The following CADPS2 variants were observed in gnomAD, a reference collection of about 807,000 sequenced individuals.
CADPS2 encodes the protein calcium-dependent secretion activator 2.
CADPS2 carries 93 observed loss-of-function variants against 172.5 expected under a neutral mutation model. The ratio of observed to expected loss-of-function variants is 0.54; its 90% CI spans 0.46 to 0.64. The LOEUF (loss-of-function observed/expected upper bound fraction) is 0.64. CADPS2 is among the 30% of genes least tolerant of loss of function. The probability of loss-of-function intolerance (pLI) is 0.00; values close to 1 mark genes in which losing one functional copy is unlikely to be tolerated. For synonymous variants in CADPS2, 546 were observed against 555.2 expected, an observed-to-expected ratio of 0.98 and a Z score of 0.23; for missense variants, 1,420 against 1,565.9, an observed-to-expected ratio of 0.91 and a Z score of 1.57.
intron 2 of CADPS2, among the ~76,000 whole-genome samples, chr7:122,690,787 C>T (rs2084247674): frequency 2.0e-5 from 3 of 152,180 alleles, no homozygotes; most frequent in Admixed American, 2.0e-4. Context: ...TCTTGGTGAT[C>T]ACCATCCACA....
At position 122,700,366 on chromosome 7, in the gene CADPS2, A is replaced by T. The variant is rs569651169; in HGVS notation, c.453+36589T>A. ...CAAAGGGCCCTATGGGCCAACAAAA[A>T]CTAGTATAAAAAGAATACTGATGAT... is the stretch of plus-strand genomic sequence containing the variant. On this transcript the variant is annotated intron_variant, in intron 2 of 29. Coordinates refer to ENST00000449022, the MANE Select transcript of CADPS2 (RefSeq NM_017954.11). Among the ~76,000 whole-genome samples, 51 of 152,276 alleles carry T rather than the reference A, an allele frequency of 3.3e-4. No homozygotes were observed. In the South Asian group the frequency reaches 9.1e-3, roughly 27 times the overall value.
chr7:122,718,669 G>A (rs2136995212), intron 2 of CADPS2, among the ~76,000 whole-genome samples: 1 of 152,210 alleles, frequency 6.6e-6, no homozygotes, highest in South Asian at 2.1e-4. Context: ...ATGGGGCCGT[G>A]TTAAGGCTTT....
chr7:122,438,176 G>A (rs1214603051), intron 17 of CADPS2, among the ~76,000 whole-genome samples, 165 bp downstream of exon 17: 1 of 152,102 alleles, frequency 6.6e-6, no homozygotes, highest in Non-Finnish European at 1.5e-5. Context: ...TTAAAGCAAT[G>A]AATAGGAAAA....
In CADPS2 at chr7:122,886,420, C is replaced by T; in HGVS notation, c.-83G>A. 1 of 1,416,106 alleles carries T rather than the reference C, an allele frequency of 7.1e-7. No homozygotes were observed. Among genetic ancestry groups the T allele is most frequent in the South Asian group, 1.5e-5 (1 of 67,924 alleles). The allele number at this position is 1,416,106 out of a possible 1,614,324, so 87.7% of individuals were successfully genotyped here. ...GCTGCGCCCGCGGGTCTGAGGGAGC[C>T]GCGGGGCTGGCTGCAGCGGCCGCAG... On this transcript the variant is annotated 5_prime_UTR_variant, in exon 1 of 30. Transcript: ENST00000449022.
intron 8 of CADPS2, among the ~76,000 whole-genome samples, chr7:122,546,961 C>T (rs2131787059): frequency 2.0e-5 from 3 of 152,104 alleles, no homozygotes; most frequent in Admixed American, 2.0e-4. Flanking sequence ...AGAATAAATA[C>T]TGAAATAAAT....
chr7:122,556,118 T>C (rs748097292), intron 7 of CADPS2, among the ~76,000 whole-genome samples: 1 of 152,066 alleles, frequency 6.6e-6, no homozygotes, highest in Admixed American at 6.6e-5. Context: ...CTAAATGACA[T>C]TTACAATGTT....
intron 1 of CADPS2, among the ~76,000 whole-genome samples, chr7:122,795,242 T>A (rs1796119842): frequency 6.6e-6 from 1 of 151,678 alleles, no homozygotes; most frequent in Non-Finnish European, 1.5e-5. Context: ...TAGAGAAGAT[T>A]CAAATAAACA....
intron 3 of CADPS2, among the ~76,000 whole-genome samples, chr7:122,637,207 T>TC (rs2077166219): frequency 2.8e-5 from 3 of 106,042 alleles, no homozygotes; most frequent in African/African-American, 1.1e-4. Flanking sequence ...TTTTTTTTTT[T>TC]TCCTGAGACA....
chr7:122,421,575 T>A (rs2048532931), intron 17 of CADPS2, among the ~76,000 whole-genome samples: 1 of 152,184 alleles, frequency 6.6e-6, no homozygotes, highest in Non-Finnish European at 1.5e-5. Flanking sequence ...AACATTTTAT[T>A]CCATGTAAGG....
chr7:122,325,637 G>C, intron 28 of CADPS2, 56 bp from the exon 29 acceptor site: 2 of 1,062,258 alleles, frequency 1.9e-6, no homozygotes, highest in African/African-American at 1.6e-5. Flanking sequence ...AACAACCTCT[G>C]CAGTATTCAT....
rs547249615 is a variant in CADPS2 at position 122,487,827 on chromosome 7, C to T, written c.1852+2254G>A. On this transcript the variant is annotated intron_variant, in intron 11 of 29. Transcript: ENST00000449022. The stretch of plus-strand genomic sequence containing the variant: ...ATAAAATGTGCAGTAGACCAGGTAA[C>T]ATAAGACAGAAGCCCACTTACATGG... Among the ~76,000 whole-genome samples, 8 of 152,170 alleles carry T rather than the reference C, an allele frequency of 5.3e-5. No individual in the cohort carries two copies. The South Asian group carries it at 1.7e-3, about 32-fold the overall frequency.
At chr7:122,647,873 T>C (rs1443822964) in intron 3 of CADPS2, among the ~76,000 whole-genome samples, 2 of 152,198 alleles carry the variant, frequency 1.3e-5, no homozygotes, top group Non-Finnish European at 2.9e-5. Context: ...AATGATTCAA[T>C]GTACTGTATA....
chr7:122,758,999 A>G (rs188044791), intron 1 of CADPS2, among the ~76,000 whole-genome samples: 1 of 117,628 alleles, frequency 8.5e-6, no homozygotes, highest in East Asian at 2.1e-4. Flanking sequence ...TTCTTATTTC[A>G]GGAAAAAAAA....
At chr7:122,450,477 C>A (rs1259709139) in intron 15 of CADPS2, among the ~76,000 whole-genome samples, 1 of 123,812 alleles carries the variant, frequency 8.1e-6, no homozygotes, top group Non-Finnish European at 1.7e-5. Flanking sequence ...AGGTATTTAT[C>A]TTTTACTCTG....
intron 2 of CADPS2, among the ~76,000 whole-genome samples, chr7:122,721,179 T>C (rs1217075115): frequency 6.6e-6 from 1 of 152,008 alleles, no homozygotes; most frequent in East Asian, 1.9e-4. Context: ...ATTCTAATAA[T>C]TAATTCCTGC....
chr7:122,829,514 T>G (rs558184472), intron 1 of CADPS2, among the ~76,000 whole-genome samples: 1 of 152,286 alleles, frequency 6.6e-6, no homozygotes, highest in South Asian at 2.1e-4. Flanking sequence ...TCAAATCAAC[T>G]TTTATTTATC....
At chr7:122,620,739 C>T (rs759857698) in intron 5 of CADPS2, among the ~76,000 whole-genome samples, 18 of 152,018 alleles carry the variant, frequency 1.2e-4, no homozygotes, top group Non-Finnish European at 1.8e-4. Context: ...TTAGAACTGG[C>T]TTATTTGATA....
intron 2 of CADPS2, among the ~76,000 whole-genome samples, chr7:122,688,277 C>A (rs980140609): frequency 6.6e-6 from 1 of 152,204 alleles, no homozygotes; most frequent in East Asian, 1.9e-4. Flanking sequence ...AGAAAATTCA[C>A]ACCAGCAAGT....
chr7:122,750,989 A>G (rs1010685269), intron 1 of CADPS2, among the ~76,000 whole-genome samples: 3 of 152,172 alleles, frequency 2.0e-5, no homozygotes, highest in African/African-American at 7.2e-5. Flanking sequence ...TTTTTGGACC[A>G]ACATAAAAAC....
Sources: allele counts gnomAD v4.1 joint callset (sites outside exome capture counted in the v4.1 genomes callset), GRCh38; gene constraint gnomAD v4.1.1; transcripts MANE v1.5; gene names NCBI Gene and HGNC (gene_info 2026-07-23, HGNC 2026-07-21).